The following RBFOX1 variants were observed in gnomAD, a reference collection of about 807,000 sequenced individuals.
RBFOX1 encodes RNA binding protein fox-1 homolog 1.
RBFOX1 carries 8 observed loss-of-function variants against 57.7 expected under a neutral mutation model. The ratio of observed to expected loss-of-function variants is 0.14; its 90% CI spans 0.08 to 0.25. The LOEUF is 0.25. RBFOX1 is among the 10% of genes least tolerant of loss of function. The pLI is 1.00. For missense variants in RBFOX1, 611 were observed against 548.5 expected, an observed-to-expected ratio of 1.11 and a Z score of -1.14; for synonymous variants, 326 against 222.4, an observed-to-expected ratio of 1.47 and a Z score of -4.15.
chr16:6,268,233 G>T (rs756099356), intron 1 of RBFOX1, among the ~76,000 whole-genome samples: 3 of 152,196 alleles, frequency 2.0e-5, no homozygotes, highest in Admixed American at 6.5e-5. Context: ...TTTTGAATCT[G>T]TGTCCCTAGA....
chr16:7,318,157 T>C (rs1401002102), intron 4 of RBFOX1, among the ~76,000 whole-genome samples: 2 of 151,628 alleles, frequency 1.3e-5, no homozygotes, highest in African/African-American at 2.4e-5. Context: ...GTGGTAATGG[T>C]AGTGACGGTG....
At chr16:7,133,846 C>A (rs1032100847) in intron 4 of RBFOX1, among the ~76,000 whole-genome samples, 1 of 152,034 alleles carries the variant, frequency 6.6e-6, no homozygotes, top group Non-Finnish European at 1.5e-5. Context: ...AAACGTAATG[C>A]CCATTTTGAA....
intron 6 of RBFOX1, among the ~76,000 whole-genome samples, chr16:7,581,310 G>A (rs765544550): frequency 4.6e-5 from 7 of 152,208 alleles, no homozygotes; most frequent in Non-Finnish European, 8.8e-5. Flanking sequence ...TTTGAAAAGT[G>A]CAGAGCATTC....
At chr16:6,192,660 A>G (rs2097149556) in intron 1 of RBFOX1, among the ~76,000 whole-genome samples, 1 of 152,224 alleles carries the variant, frequency 6.6e-6, no homozygotes, top group Non-Finnish European at 1.5e-5. Flanking sequence ...TCTACCATGT[A>G]ACTCTCAATA....
At chr16:7,006,600 C>T (rs1025315702) in intron 3 of RBFOX1, among the ~76,000 whole-genome samples, 4 of 152,052 alleles carry the variant, frequency 2.6e-5, no homozygotes, top group Non-Finnish European at 4.4e-5. Context: ...GAGTTGGGAA[C>T]CACCACACCT....
intron 3 of RBFOX1, among the ~76,000 whole-genome samples, chr16:7,026,010 T>C (rs937470775): frequency 1.3e-5 from 2 of 152,090 alleles, no homozygotes; most frequent in Non-Finnish European, 2.9e-5. Flanking sequence ...GGGTTTGGGA[T>C]CAGACCCCAG....
intron 4 of RBFOX1, among the ~76,000 whole-genome samples, chr16:7,132,192 G>T (rs768096922): frequency 1.3e-5 from 2 of 151,906 alleles, no homozygotes; most frequent in Admixed American, 6.6e-5. Context: ...TGTCAGCCAG[G>T]CTGGCCTCAA....
At chr16:5,975,334 C>A (rs555651101) in intron 4 of RBFOX1, among the ~76,000 whole-genome samples, 1 of 152,160 alleles carries the variant, frequency 6.6e-6, no homozygotes, top group Non-Finnish European at 1.5e-5. Flanking sequence ...CAGCCTTCGT[C>A]CATATCATTA....
At chr16:7,690,999 G>T (rs1232933441) in intron 14 of RBFOX1, among the ~76,000 whole-genome samples, 2 of 152,060 alleles carry the variant, frequency 1.3e-5, no homozygotes, top group Non-Finnish European at 2.9e-5. Context: ...CATTGTTCAG[G>T]GAAGTAGTGA....
At chr16:5,763,141 A>C (rs1320809673) in intron 3 of RBFOX1, among the ~76,000 whole-genome samples, 1 of 152,194 alleles carries the variant, frequency 6.6e-6, no homozygotes. Flanking sequence ...CAACACAAGA[A>C]TGTGGGGCAT....
chr16:6,151,035 T>G (rs1276590398), intron 1 of RBFOX1, among the ~76,000 whole-genome samples: 5 of 152,338 alleles, frequency 3.3e-5, no homozygotes, highest in East Asian at 1.9e-4. Context: ...AAGGAGAATC[T>G]TCTATGAAAT....
intron 3 of RBFOX1, among the ~76,000 whole-genome samples, chr16:5,657,325 C>G (rs1329708399): frequency 6.6e-6 from 1 of 152,166 alleles, no homozygotes; most frequent in African/African-American, 2.4e-5. Context: ...GTATCACAAA[C>G]CCTTTGTGGT....
intron 3 of RBFOX1, among the ~76,000 whole-genome samples, chr16:6,680,679 G>T (rs574646230): frequency 6.6e-6 from 1 of 152,032 alleles, no homozygotes; most frequent in Non-Finnish European, 1.5e-5. Context: ...AAAGTTTACC[G>T]CTTAGAGGTA....
At chr16:6,503,174 A>G (rs2095988346) in intron 2 of RBFOX1, among the ~76,000 whole-genome samples, 1 of 151,060 alleles carries the variant, frequency 6.6e-6, no homozygotes, top group African/African-American at 2.4e-5. Flanking sequence ...AATTTATTAT[A>G]TGTGATTTTT....
intron 1 of RBFOX1, among the ~76,000 whole-genome samples, chr16:5,242,120 A>AAG (rs146029127): frequency 0.026 from 3,964 of 150,534 alleles, 76 homozygotes; most frequent in Middle Eastern, 0.088. Flanking sequence ...TTTCAAGGAA[A>AAG]AGAGAGAGAG....
intron 2 of RBFOX1, among the ~76,000 whole-genome samples, chr16:5,572,943 T>TG (rs1471226170): frequency 1.3e-5 from 2 of 151,940 alleles, no homozygotes; most frequent in African/African-American, 2.4e-5. Flanking sequence ...TGAGGGAGAC[T>TG]GGGGGGTGAT....
chr16:6,945,391 C>T lies in RBFOX1; in HGVS notation c.-15-106666C>T, dbSNP rs754396144. 4.2e-4 allele frequency among the ~76,000 whole-genome samples: 64 copies of T among 151,404 alleles called. 1 individual carries two copies. The highest frequency in any genetic ancestry group is 4.9e-4 in the Non-Finnish European group (33 of 67,612). On this transcript the variant is annotated intron_variant, in intron 3 of 15. Transcript: ENST00000550418. ...CCATTGCTGGTCTGAACAACCTGTG[C>T]CATTTCTAGATGGCCATGCAGGAAT...
At chr16:5,541,492 G>C (rs914107495) in intron 2 of RBFOX1, among the ~76,000 whole-genome samples, 1 of 152,088 alleles carries the variant, frequency 6.6e-6, no homozygotes, top group African/African-American at 2.4e-5. Flanking sequence ...GACAACTCAA[G>C]CAGGGAGGGG....
At chr16:5,539,817 T>C (rs2044859658) in intron 2 of RBFOX1, among the ~76,000 whole-genome samples, 1 of 152,220 alleles carries the variant, frequency 6.6e-6, no homozygotes, top group Non-Finnish European at 1.5e-5. Flanking sequence ...CTTGGAAAGT[T>C]GGATTTGAAT....
Sources: allele counts gnomAD v4.1 joint callset (sites outside exome capture counted in the v4.1 genomes callset), GRCh38; gene constraint gnomAD v4.1.1; transcripts MANE v1.5; gene names NCBI Gene and HGNC (gene_info 2026-07-23, HGNC 2026-07-21).